Variants in ZNF229 observed in about 807,000 individuals in gnomAD.
ZNF229 encodes zinc finger protein 229.
Under a neutral mutation model 11.8 loss-of-function variants are expected in ZNF229, and 10 were observed. The ratio of observed to expected loss-of-function variants is 0.85; its 90% CI spans 0.52 to 1.44. ZNF229 has a LOEUF of 1.44. ZNF229 is among the 40% of genes most tolerant of loss of function. ZNF229 has a pLI of 0.00. For missense variants in ZNF229, 1,045 were observed against 1,015.1 expected, an observed-to-expected ratio of 1.03 and a Z score of -0.40; for synonymous variants, 368 against 374.8, an observed-to-expected ratio of 0.98 and a Z score of 0.21.
chr19:44,438,480 T>G (rs1296744050), intron 4 of ZNF229, among the ~76,000 whole-genome samples: 1 of 152,194 alleles, frequency 6.6e-6, no homozygotes, highest in Non-Finnish European at 1.5e-5. Flanking sequence ...TACAACGAAG[T>G]GTGTGACGCT....
At chr19:44,434,921 G>C (rs1220221737) in intron 4 of ZNF229, among the ~76,000 whole-genome samples, 1 of 152,016 alleles carries the variant, frequency 6.6e-6, no homozygotes, top group African/African-American at 2.4e-5. Flanking sequence ...ATGGGGGGTG[G>C]GTCTTTCCCA....
Position 44,429,112 on chromosome 19 carries a change from A to C in ZNF229, c.1669T>G (p.Ser557Ala), listed in dbSNP as rs776119714. The change falls in exon 6 of 6, where the codon TCC (serine) becomes GCC (alanine). Residue 557 changes from serine to alanine, a missense_variant. Coordinates refer to ENST00000614049, the MANE Select transcript of ZNF229 (RefSeq NM_014518.4). The stretch of plus-strand genomic sequence containing the variant: ...ACCCTCTGATGGATGTGGAGGTCGG[A>C]GCTCCGGCCAAAGCTCTTCCCGCAC... Reference protein sequence around the residue: ...CECGKSFGRSSDLHIHQRVHT... With the variant: ...CECGKSFGRSADLHIHQRVHT... The C allele has an allele frequency of 4.3e-6, 7 of 1,610,060 alleles. No individual in the cohort carries two copies. Among genetic ancestry groups the C allele is most frequent in the Non-Finnish European group, 5.9e-6 (7 of 1,179,150 alleles).
rs983259598 is a variant in ZNF229 at position 44,428,244 on chromosome 19, G to A, written c.*59C>T. 5.9e-6 allele frequency: 9 copies of A among 1,518,652 alleles called. No homozygotes were observed. The African/African-American group carries it at 9.8e-5, about 16-fold the overall frequency. 94.1% of individuals were successfully genotyped at this position (1,518,652 alleles called of 1,614,324 possible). On this transcript the variant is annotated 3_prime_UTR_variant, in exon 6 of 6. Coordinates refer to ENST00000614049, the MANE Select transcript of ZNF229 (RefSeq NM_014518.4). Reference sequence around the variant, plus strand: ...GTCACTTTCCTATGGTTTTTCTCCTGTGTTGGCTCTCAGATGGATAGAAAG... The same window carrying A: ...GTCACTTTCCTATGGTTTTTCTCCTATGTTGGCTCTCAGATGGATAGAAAG...
At chr19:44,438,572 TGG>T (rs1971853561) in intron 4 of ZNF229, among the ~76,000 whole-genome samples, 1 of 152,178 alleles carries the variant, frequency 6.6e-6, no homozygotes, top group Non-Finnish European at 1.5e-5. Flanking sequence ...TCTATGCTAA[TGG>T]GTTGACTAGT....
At position 44,448,461 on chromosome 19, in the gene ZNF229, A is replaced by G. The variant is rs1478387055; in HGVS notation, c.-418T>C. On this transcript the variant is annotated 5_prime_UTR_variant, in exon 1 of 6. Transcript: ENST00000614049. ...TAAGACGCCTCACCACTGCCTAAGAAGCAATCAAGGTGACGCGCCCACCGG... is the reference window on the plus strand; with the variant it reads ...TAAGACGCCTCACCACTGCCTAAGAGGCAATCAAGGTGACGCGCCCACCGG... The G allele has an allele frequency of 6.6e-6, 1 of 152,066 alleles. No individual in the cohort carries two copies. The highest frequency in any genetic ancestry group is 1.5e-5 in the Non-Finnish European group (1 of 68,046). 9.4% of individuals were successfully genotyped at this position (152,066 alleles called of 1,614,324 possible). A position where few individuals can be genotyped will look rare whatever the true frequency, so the allele number is the denominator to read the frequency against.
rs1469743272 is a variant in ZNF229 at position 44,429,130 on chromosome 19, T to C, written c.1651A>G (p.Lys551Glu). ...GEKPYKCECG[K>E]SFGRSSDLHI... ...AGGTCGGAGCTCCGGCCAAAGCTCT[T>C]CCCGCACTCGCATTTGTAGGGTTTC... The change falls in exon 6 of 6, where the codon AAG becomes GAG. Residue 551 changes from lysine to glutamate, a missense_variant. Coordinates refer to ENST00000614049, the MANE Select transcript of ZNF229 (RefSeq NM_014518.4). 1.6e-5 allele frequency: 25 copies of C among 1,611,838 alleles called. No individual in the cohort carries two copies. The highest frequency in any genetic ancestry group is 2.0e-5 in the Non-Finnish European group (24 of 1,179,402).
rs1971573254 is a variant in ZNF229 at position 44,426,444 on chromosome 19, A to T, written c.*1859T>A. 1 of 152,298 alleles carries T rather than the reference A, an allele frequency of 6.6e-6. No individual in the cohort carries two copies. The highest frequency in any genetic ancestry group is 1.5e-5 in the Non-Finnish European group (1 of 68,036). 9.4% of individuals were successfully genotyped at this position (152,298 alleles called of 1,614,324 possible). On this transcript the variant is annotated 3_prime_UTR_variant, in exon 6 of 6. Transcript: ENST00000614049. ...TAAGTAGTTATATGTCCTCTCCCAC[A>T]TCTTTTTTTCTCTGTTGCTCTAAAC...
In ZNF229 at chr19:44,442,918, C is replaced by G; in HGVS notation, c.-71G>C. ...TTCTCTGGTTTTCCTAAGCTGGAGA[C>G]GCAGAAGATCCAGGCCTTTTTCATT... On this transcript the variant is annotated 5_prime_UTR_variant, in exon 3 of 6. Transcript: ENST00000614049. The G allele has an allele frequency of 6.4e-7, 1 of 1,563,528 alleles. No individual in the cohort carries two copies. Among genetic ancestry groups the G allele is most frequent in the African/African-American group, 1.3e-5 (1 of 74,134 alleles).
chr19:44,438,613 T>C (rs1971854286), intron 4 of ZNF229, among the ~76,000 whole-genome samples: 1 of 152,140 alleles, frequency 6.6e-6, no homozygotes, highest in South Asian at 2.1e-4. Context: ...AGCTTCAGGA[T>C]GGGGCTGCTT....
chr19:44,444,596 C>T (rs991932792), intron 2 of ZNF229, among the ~76,000 whole-genome samples: 6 of 152,214 alleles, frequency 3.9e-5, no homozygotes, highest in African/African-American at 9.7e-5. Flanking sequence ...TCTAGGACTG[C>T]GCTTTGCAAA....
intron 2 of ZNF229, among the ~76,000 whole-genome samples, chr19:44,446,509 TTC>T (rs1972005516): frequency 6.6e-6 from 1 of 152,236 alleles, no homozygotes; most frequent in South Asian, 2.1e-4. Context: ...ATTTAAGTTT[TTC>T]TCTCTTTCAC....
At chr19:44,437,041 A>G (rs1186313473) in intron 4 of ZNF229, among the ~76,000 whole-genome samples, 1 of 152,034 alleles carries the variant, frequency 6.6e-6, no homozygotes, top group East Asian at 1.9e-4. Flanking sequence ...TAAAAATAAC[A>G]TTTTCATAAC....
Position 44,442,982 on chromosome 19 carries a change from C to T in ZNF229, c.-135G>A. Reference sequence around the variant, plus strand: ...AAGCTCTGACAAGTTCCTGTCTCCACCTTTACTGTCCAGAGCGCGACTGCT... The same window carrying T: ...AAGCTCTGACAAGTTCCTGTCTCCATCTTTACTGTCCAGAGCGCGACTGCT... On this transcript the variant is annotated 5_prime_UTR_variant, in exon 3 of 6. It adds an upstream start codon to the 5' untranslated region. Transcript: ENST00000614049. The T allele has an allele frequency of 9.5e-7, 1 of 1,048,716 alleles. No homozygotes were observed. Among genetic ancestry groups the T allele is most frequent in the South Asian group, 1.4e-5 (1 of 73,484 alleles). The allele number at this position is 1,048,716 out of a possible 1,614,324, so 65.0% of individuals were successfully genotyped here.
At chr19:44,442,195 T>A (rs1462940728) in intron 4 of ZNF229, among the ~76,000 whole-genome samples, 1 of 152,210 alleles carries the variant, frequency 6.6e-6, no homozygotes, top group Non-Finnish European at 1.5e-5. Flanking sequence ...CATCTATAAA[T>A]GAATAACGTT....
At chr19:44,442,465 A>G (rs977202959) in intron 4 of ZNF229, 98 bp downstream of exon 4, 9 of 1,225,580 alleles carry the variant, frequency 7.3e-6, no homozygotes, top group East Asian at 2.4e-5. Flanking sequence ...TATTCACCCA[A>G]TACATTTTTC....
At chr19:44,446,922 C>T (rs1191979582) in intron 2 of ZNF229, among the ~76,000 whole-genome samples, 3 of 152,176 alleles carry the variant, frequency 2.0e-5, no homozygotes, top group Admixed American at 2.0e-4. Flanking sequence ...CAGGGACAGT[C>T]TCTAAGAGCT....
chr19:44,442,621 G>A lies in ZNF229; in HGVS notation c.35C>T (p.Ala12Val). Residue 12 changes from alanine to valine, a missense_variant and splice_region_variant, in exon 4 of 6, where the codon GCT becomes GTT. By Grantham distance (64) the Ala-to-Val change is moderately conservative. Coordinates refer to ENST00000614049, the MANE Select transcript of ZNF229 (RefSeq NM_014518.4). Reference sequence around the variant, plus strand: ...AATGGCTGAGGCTTGAGAATGAAGAGCTGTAGGAGGAGAAAGAGGCCATGA... The same window carrying A: ...AATGGCTGAGGCTTGAGAATGAAGAACTGTAGGAGGAGAAAGAGGCCATGA... ...ETLTSRHEKRALHSQASAISQ... is the reference protein window; with the variant it reads ...ETLTSRHEKRVLHSQASAISQ... 1.2e-6 allele frequency: 2 copies of A among 1,614,108 alleles called. No homozygotes were observed. The highest frequency in any genetic ancestry group is 1.7e-6 in the Non-Finnish European group (2 of 1,180,012).
rs143788617 is a variant in ZNF229 at position 44,438,920 on chromosome 19, T to C, written c.93+3643A>G. ...CAGTAAACATAAGTGTTTCCCTGAG[T>C]TCTGTGAGCTGCTCTAGCAAATTAA... On this transcript the variant is annotated intron_variant, in intron 4 of 5. Coordinates refer to ENST00000614049, the MANE Select transcript of ZNF229 (RefSeq NM_014518.4). Among the ~76,000 whole-genome samples, 98 of 152,276 alleles carry C rather than the reference T, an allele frequency of 6.4e-4. 1 individual carries two copies. Among genetic ancestry groups the C allele is most frequent in the Non-Finnish European group, 1.2e-3 (82 of 68,028 alleles).
chr19:44,434,692 T>C (rs1971781936), intron 4 of ZNF229, among the ~76,000 whole-genome samples: 1 of 152,230 alleles, frequency 6.6e-6, no homozygotes, highest in South Asian at 2.1e-4. Context: ...CTGGAGTACC[T>C]GCGACAAGGT....
Sources: allele counts gnomAD v4.1 joint callset (sites outside exome capture counted in the v4.1 genomes callset), GRCh38; gene constraint gnomAD v4.1.1; transcripts MANE v1.5; gene names NCBI Gene and HGNC (gene_info 2026-07-23, HGNC 2026-07-21).